Variants in ARID1B observed in about 807,000 individuals in gnomAD.
ARID1B encodes AT-rich interaction domain 1B, also known as AT-rich interactive domain-containing protein 1B.
ARID1B carries 30 observed loss-of-function variants against 212.3 expected under a neutral mutation model. That is an observed-to-expected ratio of 0.14 (90% CI 0.11 to 0.19). The LOEUF (loss-of-function observed/expected upper bound fraction) is 0.19. ARID1B is among the 10% of genes least tolerant of loss of function. ARID1B has a pLI of 1.00. For synonymous variants in ARID1B, 1,402 were observed against 1,301.7 expected (o/e 1.08, Z -1.66); for missense variants, 2,891 against 3,204.0 (o/e 0.90, Z 2.36).
At chr6:156,918,878 C>T (rs1470011640) in intron 3 of ARID1B, among the ~76,000 whole-genome samples, 1 of 152,142 alleles carries the variant, frequency 6.6e-6, no homozygotes. Flanking sequence ...ACCTTCCTCT[C>T]TCTGTTCCCT....
intron 19 of ARID1B, chr6:157,205,932 G>A (rs1794409047): frequency 1.8e-6 from 1 of 541,438 alleles, no homozygotes; most frequent in South Asian, 2.2e-5. Flanking sequence ...TCTAAGCAAG[G>A]AAGCAGCAAA....
chr6:157,105,834 T>G (rs1786438696), intron 5 of ARID1B, among the ~76,000 whole-genome samples: 1 of 152,106 alleles, frequency 6.6e-6, no homozygotes, highest in Non-Finnish European at 1.5e-5. Context: ...ACTCCTGACT[T>G]CATGATCCGC....
In ARID1B at chr6:156,881,423, G is replaced by A. The variant is rs1787079651; in HGVS notation, c.1987-19953G>A. On this transcript the variant is annotated intron_variant, in intron 2 of 19. Coordinates refer to ENST00000636930, the MANE Select transcript of ARID1B (RefSeq NM_001374828.1). ...TGGAAAATAGACTCCTGCTTATACT[G>A]TTTTAAAAATATATGTATGTATACA... Among the ~76,000 whole-genome samples the A allele has an allele frequency of 2.0e-5, 3 of 152,202 alleles. No individual in the cohort carries two copies. In the South Asian group the frequency reaches 6.2e-4, roughly 32 times the overall value.
intron 2 of ARID1B, among the ~76,000 whole-genome samples, chr6:156,842,876 A>G (rs1783993545): frequency 1.3e-5 from 2 of 152,206 alleles, no homozygotes; most frequent in South Asian, 2.1e-4. Flanking sequence ...AACAGAGGTT[A>G]GGTAGCTTGC....
intron 10 of ARID1B, 31 bp from the exon 11 acceptor site, chr6:157,174,816 C>G (rs1371861668): frequency 1.4e-6 from 2 of 1,393,732 alleles, no homozygotes; most frequent in South Asian, 1.6e-5. Flanking sequence ...CTACCTTTGT[C>G]ATTTTTTTTT....
rs1794505679 is a variant in ARID1B at position 157,206,932 on chromosome 6, C to T, written c.6160C>T (p.Leu2054=). The change falls in exon 20 of 20, where the codon CTG becomes TTG. Residue 2054 remains leucine, a synonymous_variant. Coordinates refer to ENST00000636930, the MANE Select transcript of ARID1B (RefSeq NM_001374828.1). The surrounding 1 kb of genome is among the most constrained non-coding windows in gnomAD (Gnocchi z 6.8). Reference sequence around the variant, plus strand: ...GCCCAGGAGCCGAGACGAGACTCCTCTGTGTACCATCGCGCACTGGCAGGA... The same window carrying T: ...GCCCAGGAGCCGAGACGAGACTCCTTTGTGTACCATCGCGCACTGGCAGGA... ...DEPRSRDETP[L]CTIAHWQDSL... 4.3e-6 allele frequency: 7 copies of T among 1,614,174 alleles called. No individual in the cohort carries two copies. Among genetic ancestry groups the T allele is most frequent in the Non-Finnish European group, 5.9e-6 (7 of 1,180,032 alleles).
At chr6:156,901,645 A>C in intron 3 of ARID1B, 120 bp downstream of exon 3, 1 of 1,267,222 alleles carries the variant, frequency 7.9e-7, no homozygotes, top group African/African-American at 1.5e-5. Flanking sequence ...ATTAGTTTTG[A>C]GAAAATGCAT....
chr6:157,089,001 G>T (rs1583287204), intron 5 of ARID1B, among the ~76,000 whole-genome samples: 1 of 151,914 alleles, frequency 6.6e-6, no homozygotes, highest in South Asian at 2.1e-4. Flanking sequence ...CTTGTGTTTG[G>T]CCTCTCTTCT....
In ARID1B at chr6:156,845,152, G is replaced by T. The variant is rs557266257; in HGVS notation, c.1986+15731G>T. Among the ~76,000 whole-genome samples the T allele has an allele frequency of 3.3e-5, 5 of 152,020 alleles. No homozygotes were observed. In the East Asian group the frequency reaches 7.7e-4, roughly 23 times the overall value. ...TCTTTTAATTAGACCAGCCATACTG[G>T]ACTTTTATTTGGAAGTAAGCACTTT... On this transcript the variant is annotated intron_variant, in intron 2 of 19. Transcript: ENST00000636930.
In ARID1B at chr6:156,846,939, A is replaced by T. The variant is rs376440969; in HGVS notation, c.1986+17518A>T. Among the ~76,000 whole-genome samples, 21 of 152,196 alleles carry T rather than the reference A, an allele frequency of 1.4e-4. 1 individual carries two copies. The South Asian group carries it at 4.4e-3, about 32-fold the overall frequency. ...ATCCTGTCACCTAGAACAGATTAAA[A>T]CTTTAATTATCACTTGTCTTTCTGC... On this transcript the variant is annotated intron_variant, in intron 2 of 19. Transcript: ENST00000636930.
intron 4 of ARID1B, among the ~76,000 whole-genome samples, chr6:157,054,868 TCA>T (rs1226780268): frequency 1.3e-5 from 2 of 152,248 alleles, no homozygotes; most frequent in Non-Finnish European, 2.9e-5. Context: ...CACCGCTGTC[TCA>T]GCCGTACCTC....
chr6:156,813,480 C>A (rs555521723), intron 1 of ARID1B, among the ~76,000 whole-genome samples: 1 of 152,226 alleles, frequency 6.6e-6, no homozygotes, highest in South Asian at 2.1e-4. Context: ...AGCATTCATT[C>A]ATTTTCACCC....
At chr6:156,932,687 G>A (rs1791847517) in intron 3 of ARID1B, among the ~76,000 whole-genome samples, 1 of 152,084 alleles carries the variant, frequency 6.6e-6, no homozygotes, top group South Asian at 2.1e-4. Flanking sequence ...AAAAGCTCAA[G>A]TTTCTTATGG....
chr6:156,860,701 T>C (rs1204416526), intron 2 of ARID1B, among the ~76,000 whole-genome samples: 1 of 152,234 alleles, frequency 6.6e-6, no homozygotes, highest in Non-Finnish European at 1.5e-5. Flanking sequence ...TTGCATGTAA[T>C]GGAATCTTTA....
intron 7 of ARID1B, chr6:157,141,029 T>C: frequency 5.2e-6 from 1 of 192,416 alleles, no homozygotes; most frequent in Non-Finnish European, 1.1e-5. Context: ...CCTTAATAAC[T>C]CTTTCTTAAA....
rs2128634935 is a variant in ARID1B at position 157,148,909 on chromosome 6, C to G, written c.3047C>G (p.Ala1016Gly). The G allele has an allele frequency of 6.2e-7, 1 of 1,612,732 alleles. No homozygotes were observed. Among genetic ancestry groups the G allele is most frequent in the South Asian group, 1.1e-5 (1 of 91,088 alleles). ...GTGAACCGTAAGGCACAGGAGGCAGCCGCAGCAGTGATGCAGGCTGCTGCG... is the reference window on the plus strand; with the variant it reads ...GTGAACCGTAAGGCACAGGAGGCAGGCGCAGCAGTGATGCAGGCTGCTGCG... ...PTVNRKAQEA[A>G]AAVMQAAANS... is the part of the protein sequence containing the mutation. Residue 1016 changes from alanine (A) to glycine (G), a missense_variant, in exon 8 of 20, where the codon GCC (alanine) becomes GGC (glycine). Coordinates refer to ENST00000636930, the MANE Select transcript of ARID1B (RefSeq NM_001374828.1). This position sits in a 1 kb window ranked among gnomAD's most constrained non-coding sequence, Gnocchi z 5.6.
At chr6:157,108,643 C>G (rs573740929) in intron 5 of ARID1B, among the ~76,000 whole-genome samples, 4 of 152,178 alleles carry the variant, frequency 2.6e-5, no homozygotes, top group African/African-American at 9.7e-5. Context: ...GTAGCCAAGT[C>G]GGTGACCAGT....
intron 2 of ARID1B, among the ~76,000 whole-genome samples, chr6:156,845,411 G>A (rs184326737): frequency 6.6e-6 from 1 of 152,092 alleles, no homozygotes; most frequent in Non-Finnish European, 1.5e-5. Flanking sequence ...CCTCGTTTTA[G>A]TAGGGTTCAT....
chr6:157,117,705 C>T (rs1166907798), intron 6 of ARID1B, among the ~76,000 whole-genome samples: 1 of 152,152 alleles, frequency 6.6e-6, no homozygotes, highest in Non-Finnish European at 1.5e-5. Flanking sequence ...ACAAGACAAC[C>T]GAACTAGAAA....
Sources: gnomAD v4.1 joint callset for allele counts (sites outside exome capture counted in the v4.1 genomes callset) on GRCh38, gnomAD v4.1.1 for gene constraint, Gnocchi (gnomAD v3.1) non-coding constraint, MANE v1.5 for transcripts, NCBI Gene and HGNC (gene_info 2026-07-23, HGNC 2026-07-21) for gene names.